The following FLRT2 variants were observed in gnomAD, a reference collection of about 807,000 sequenced individuals.
FLRT2 encodes the protein leucine-rich repeat transmembrane protein FLRT2.
Under a neutral mutation model 40.0 loss-of-function variants are expected in FLRT2, and 15 were observed. That is an observed-to-expected ratio of 0.38 (90% CI 0.25 to 0.58). FLRT2 has a LOEUF of 0.58. Among genes scored for constraint, FLRT2 ranks in the 20% least tolerant of loss-of-function variants. The pLI, the probability that FLRT2 is intolerant of heterozygous loss-of-function variation, is 0.71. For missense variants in FLRT2, 726 were observed against 840.0 expected (o/e 0.86, Z 1.68); for synonymous variants, 380 against 336.8 (o/e 1.13, Z -1.41).
At chr14:85,586,711 CACAT>C (rs1363493083) in intron 1 of FLRT2, among the ~76,000 whole-genome samples, 1 of 147,218 alleles carries the variant, frequency 6.8e-6, no homozygotes, top group African/African-American at 2.5e-5. Flanking sequence ...CACACACACA[CACAT>C]ATCTCAAAGT....
rs2139412917 is a variant in FLRT2, at chr14:85,652,669, C to T, written c.*29172C>T. The T allele has an allele frequency of 6.6e-6, 1 of 152,208 alleles. No individual in the cohort carries two copies. Among genetic ancestry groups the T allele is most frequent in the South Asian group, 2.1e-4 (1 of 4,826 alleles). The allele number at this position is 152,208 out of a possible 1,614,324, so 9.4% of individuals were successfully genotyped here. ...GTGAGTCAATCATAGGATTTTCACA[C>T]ATGGCTTTTGTTCACAGTAAGTTAT... On this transcript the variant is annotated 3_prime_UTR_variant, in exon 2 of 2. Transcript: ENST00000330753.
intron 1 of FLRT2, among the ~76,000 whole-genome samples, chr14:85,579,138 T>A (rs145269688): frequency 2.6e-5 from 4 of 152,254 alleles, no homozygotes; most frequent in Admixed American, 2.0e-4. Flanking sequence ...TTGTTTCTCC[T>A]TCCCCCGGGA....
Position 85,645,102 on chromosome 14 carries a change from A to C in FLRT2, c.*21605A>C, listed in dbSNP as rs1044575036. ...TCATGAGTTTTGATCAACCAACCAT[A>C]AAGTTGAGCTTGGGCAGCAGAACTC... is the stretch of plus-strand genomic sequence containing the variant. On this transcript the variant is annotated 3_prime_UTR_variant, in exon 2 of 2. Coordinates refer to ENST00000330753, the MANE Select transcript of FLRT2 (RefSeq NM_013231.6). 6.6e-6 allele frequency: 1 copy of C among 151,986 alleles called. No individual in the cohort carries two copies. The highest frequency in any genetic ancestry group is 2.4e-5 in the African/African-American group (1 of 41,316). 9.4% of individuals were successfully genotyped at this position (151,986 alleles called of 1,614,324 possible). A position where few individuals can be genotyped will look rare whatever the true frequency, so the allele number is the denominator to read the frequency against.
intron 1 of FLRT2, among the ~76,000 whole-genome samples, chr14:85,610,081 C>G (rs997210010): frequency 6.6e-6 from 1 of 152,118 alleles, no homozygotes; most frequent in Non-Finnish European, 1.5e-5. Context: ...AGTCAAGAGA[C>G]CCTTCTAATT....
At chr14:85,579,508 G>A (rs191953047) in intron 1 of FLRT2, among the ~76,000 whole-genome samples, 27 of 152,058 alleles carry the variant, frequency 1.8e-4, no homozygotes, top group African/African-American at 5.1e-4. Context: ...GGAAAGTGTC[G>A]GAAAATTTAT....
chr14:85,571,943 T>G (rs757739478), intron 1 of FLRT2, among the ~76,000 whole-genome samples: 18 of 152,198 alleles, frequency 1.2e-4, no homozygotes, highest in Non-Finnish European at 1.5e-4. Flanking sequence ...GTCTTACCTA[T>G]GCAACCCCAA....
rs1892107409 is a variant in FLRT2 at position 85,595,676 on chromosome 14, T to C, written c.-376-25463T>C. Among the ~76,000 whole-genome samples, 3 of 152,266 alleles carry C rather than the reference T, an allele frequency of 2.0e-5. No homozygotes were observed. The South Asian group carries it at 6.2e-4, about 32-fold the overall frequency. On this transcript the variant is annotated intron_variant, in intron 1 of 1. Transcript: ENST00000330753. ...GTCCTGCTTTTATCCACGGTATAAC[T>C]GCCTACCATGTTCAAAGGGCATCGA...
chr14:85,539,082 G>A (rs1157453437), intron 1 of FLRT2, among the ~76,000 whole-genome samples: 1 of 152,038 alleles, frequency 6.6e-6, no homozygotes, highest in African/African-American at 2.4e-5. Context: ...CTCTTTTTAA[G>A]ATTGATTTTG....
At chr14:85,584,976 G>C (rs549351084) in intron 1 of FLRT2, among the ~76,000 whole-genome samples, 175 of 152,248 alleles carry the variant, frequency 1.1e-3, no homozygotes, top group African/African-American at 4.0e-3. Flanking sequence ...ATGTAAGAAG[G>C]ATAAGGAGAG....
chr14:85,587,585 T>G (rs1403539182), intron 1 of FLRT2, among the ~76,000 whole-genome samples: 1 of 152,090 alleles, frequency 6.6e-6, no homozygotes, highest in African/African-American at 2.4e-5. Flanking sequence ...GAATTTTTTT[T>G]TTTTCTAAGT....
At chr14:85,546,524 A>G (rs1356266056) in intron 1 of FLRT2, among the ~76,000 whole-genome samples, 1 of 152,206 alleles carries the variant, frequency 6.6e-6, no homozygotes, top group Non-Finnish European at 1.5e-5. Context: ...CCATTACCAC[A>G]TGAAAGCACC....
At position 85,647,041 on chromosome 14, in the gene FLRT2, C is replaced by G; in HGVS notation, c.*23544C>G. 6.6e-6 allele frequency: 1 copy of G among 152,142 alleles called. No individual in the cohort carries two copies. Among genetic ancestry groups the G allele is most frequent in the East Asian group, 1.9e-4 (1 of 5,174 alleles). 9.4% of individuals were successfully genotyped at this position (152,142 alleles called of 1,614,324 possible). A position where few individuals can be genotyped will look rare whatever the true frequency, so the allele number is the denominator to read the frequency against. On this transcript the variant is annotated 3_prime_UTR_variant, in exon 2 of 2. Transcript: ENST00000330753. ...ACAGCTATGAATGTTGTTTCTTTTTCTTAGACAAAGTGCATATCTGCTCAA... is the reference window on the plus strand; with the variant it reads ...ACAGCTATGAATGTTGTTTCTTTTTGTTAGACAAAGTGCATATCTGCTCAA...
At position 85,622,437 on chromosome 14, in the gene FLRT2, G is replaced by A. The variant is rs1893440571; in HGVS notation, c.923G>A (p.Arg308Gln). 1.2e-6 allele frequency: 2 copies of A among 1,614,118 alleles called. No homozygotes were observed. The highest frequency in any genetic ancestry group is 1.7e-6 in the Non-Finnish European group (2 of 1,180,016). ...TCCAACCTGAAGCAGCTCACTGCTC[G>A]GAATAACCCTTGGTTTTGTGACTGC... The part of the protein sequence containing the change: ...NLSNLKQLTA[R>Q]NNPWFCDCSI... The change falls in exon 2 of 2, where the codon CGG (arginine) becomes CAG (glutamine). Residue 308 changes from arginine to glutamine, a missense_variant. Physicochemically the swap from Arg to Gln is conservative, Grantham distance 43. This residue lies in a region of FLRT2 where 611 missense variants were observed against 690.0 expected (regional missense o/e 0.89). Transcript: ENST00000330753.
intron 1 of FLRT2, among the ~76,000 whole-genome samples, chr14:85,595,173 T>C (rs1892078606): frequency 6.6e-6 from 1 of 152,058 alleles, no homozygotes; most frequent in African/African-American, 2.4e-5. Flanking sequence ...GAAATCCACA[T>C]ATAAGTGGAC....
At chr14:85,554,331 C>T (rs1889827251) in intron 1 of FLRT2, among the ~76,000 whole-genome samples, 1 of 152,164 alleles carries the variant, frequency 6.6e-6, no homozygotes, top group African/African-American at 2.4e-5. Context: ...TCATCACAGA[C>T]CACAAGTGCC....
At chr14:85,536,175 A>G (rs1270776044) in intron 1 of FLRT2, among the ~76,000 whole-genome samples, 2 of 152,006 alleles carry the variant, frequency 1.3e-5, no homozygotes, top group Admixed American at 6.6e-5. Flanking sequence ...TGCCCGTTAC[A>G]TTTATATTCT....
In FLRT2 at chr14:85,622,291, G is replaced by T. The variant is rs1893429093; in HGVS notation, c.777G>T (p.Leu259Phe). 2 of 1,614,038 alleles carry T rather than the reference G, an allele frequency of 1.2e-6. No homozygotes were observed. The highest frequency in any genetic ancestry group is 1.7e-6 in the Non-Finnish European group (2 of 1,180,010). The change falls in exon 2 of 2, where the codon TTG becomes TTT. Residue 259 changes from leucine (L) to phenylalanine (F), a missense_variant. Transcript: ENST00000330753. Reference sequence around the variant, plus strand: ...GTACGCATCTGATCAGGCTCTATTTGCAGGACAACCAGATAAACCACATTC... The same window carrying T: ...GTACGCATCTGATCAGGCTCTATTTTCAGGACAACCAGATAAACCACATTC... ...LPGTHLIRLY[L>F]QDNQINHIPL... is the part of the protein sequence containing the mutation.
intron 1 of FLRT2, among the ~76,000 whole-genome samples, chr14:85,540,628 T>G (rs1007872009): frequency 1.3e-5 from 2 of 152,136 alleles, no homozygotes; most frequent in Non-Finnish European, 2.9e-5. Flanking sequence ...GAGTATTTCT[T>G]TCGGTGATTT....
At chr14:85,615,337 C>A (rs528712395) in intron 1 of FLRT2, among the ~76,000 whole-genome samples, 1 of 152,214 alleles carries the variant, frequency 6.6e-6, no homozygotes, top group Non-Finnish European at 1.5e-5. Flanking sequence ...GTGAGAACAA[C>A]GCTTCAAATG....
Sources: allele counts gnomAD v4.1 joint callset (sites outside exome capture counted in the v4.1 genomes callset), GRCh38; gene constraint gnomAD v4.1.1; regional missense constraint gnomAD v4.1.1; transcripts MANE v1.5; gene names NCBI Gene and HGNC (gene_info 2026-07-23, HGNC 2026-07-21).